The following MPP7 variants were observed in gnomAD, a reference collection of about 807,000 sequenced individuals.
MPP7 encodes MAGUK p55 scaffold protein 7.
MPP7 carries 60 observed loss-of-function variants against 76.5 expected under a neutral mutation model. The observed-to-expected ratio is 0.78, with a 90% CI of 0.64 to 0.97. The LOEUF (loss-of-function observed/expected upper bound fraction) is 0.97. Among genes scored for constraint, MPP7 ranks in the 50% least tolerant of loss-of-function variants. The pLI is 0.00. For synonymous variants in MPP7, 237 were observed against 244.5 expected, an observed-to-expected ratio of 0.97 and a Z score of 0.29; for missense variants, 641 against 694.0, an observed-to-expected ratio of 0.92 and a Z score of 0.86.
chr10:28,125,555 T>G (rs1398501765), intron 6 of MPP7, among the ~76,000 whole-genome samples: 1 of 152,046 alleles, frequency 6.6e-6, no homozygotes, highest in African/African-American at 2.4e-5. Flanking sequence ...TGACTTTTAG[T>G]TAGTTCAGTG....
chr10:28,310,716 C>A (rs991570686), intron 2 of MPP7, among the ~76,000 whole-genome samples: 2 of 152,182 alleles, frequency 1.3e-5, no homozygotes, highest in African/African-American at 4.8e-5. Flanking sequence ...ACACCTGGAT[C>A]TACCTCATTA....
In MPP7 at chr10:28,147,846, T is replaced by A. The variant is rs116838704; in HGVS notation, c.235-283A>T. On this transcript the variant is annotated intron_variant, in intron 4 of 16. Transcript: ENST00000683449. ...AGGGCAAACCCCAGCACTTCGTCCA[T>A]GTGAATGGTCTTTTGCACCTAGACA... Among the ~76,000 whole-genome samples, 1,079 of 152,244 alleles carry A rather than the reference T, an allele frequency of 7.1e-3. 12 individuals are homozygous for A. The highest frequency in any genetic ancestry group is 0.024 in the African/African-American group (1,014 of 41,542).
Position 28,257,201 on chromosome 10 carries a change from G to A in MPP7, c.-131-18466C>T, listed in dbSNP as rs141836924. On this transcript the variant is annotated intron_variant, in intron 1 of 16. Transcript: ENST00000683449. Reference sequence around the variant, plus strand: ...GTCACAGTATTAAAAAGCAACAAGCGCAATTCAGCGTTTCATGTCATGACA... The same window carrying A: ...GTCACAGTATTAAAAAGCAACAAGCACAATTCAGCGTTTCATGTCATGACA... 1.7e-3 allele frequency among the ~76,000 whole-genome samples: 265 copies of A among 152,174 alleles called. 1 individual carries two copies. The highest frequency in any genetic ancestry group is 6.6e-3 in the South Asian group (32 of 4,816).
chr10:28,304,308 G>A (rs997975014), upstream of MPP7, among the ~76,000 whole-genome samples: 5 of 152,046 alleles, frequency 3.3e-5, no homozygotes, highest in East Asian at 1.9e-4. Flanking sequence ...TGTCATTCTC[G>A]CAAAGTTCTA....
At chr10:28,164,487 T>C (rs574865736) in intron 3 of MPP7, among the ~76,000 whole-genome samples, 1 of 152,008 alleles carries the variant, frequency 6.6e-6, no homozygotes, top group South Asian at 2.1e-4. Flanking sequence ...CACAGGTAGG[T>C]AGAGAAGGCA....
At chr10:28,142,082 G>T (rs1340982757) in intron 5 of MPP7, among the ~76,000 whole-genome samples, 2 of 151,950 alleles carry the variant, frequency 1.3e-5, no homozygotes, top group African/African-American at 4.8e-5. Context: ...AAAGAAAATA[G>T]GAAAGACAAT....
At chr10:28,320,638 C>G (rs1036582620) in intron 2 of MPP7, among the ~76,000 whole-genome samples, 1 of 152,096 alleles carries the variant, frequency 6.6e-6, no homozygotes, top group East Asian at 1.9e-4. Context: ...AATCACTACA[C>G]ATCGTTTCAT....
intron 1 of MPP7, among the ~76,000 whole-genome samples, chr10:28,255,401 C>G (rs1303855479): frequency 6.6e-6 from 1 of 150,934 alleles, no homozygotes; most frequent in African/African-American, 2.4e-5. Context: ...CGTGAGCCAC[C>G]GCCTGGCCCA....
At chr10:28,157,377 G>C (rs1056950226) in intron 3 of MPP7, among the ~76,000 whole-genome samples, 1 of 152,138 alleles carries the variant, frequency 6.6e-6, no homozygotes, top group African/African-American at 2.4e-5. Context: ...AAATTAATAA[G>C]GAAGCTCACA....
chr10:28,272,906 T>C (rs957654998), intron 1 of MPP7, among the ~76,000 whole-genome samples: 2 of 147,088 alleles, frequency 1.4e-5, no homozygotes, highest in Admixed American at 6.7e-5. Context: ...CCCAAAATGG[T>C]TTGTTTTTTT....
intron 3 of MPP7, among the ~76,000 whole-genome samples, chr10:28,197,820 C>T (rs1837637700): frequency 6.6e-6 from 1 of 152,122 alleles, no homozygotes; most frequent in East Asian, 1.9e-4. Flanking sequence ...GTGATGGATA[C>T]CCCATTTACC....
At chr10:28,104,588 T>C (rs1853983587) in intron 11 of MPP7, among the ~76,000 whole-genome samples, 1 of 152,310 alleles carries the variant, frequency 6.6e-6, no homozygotes, top group Non-Finnish European at 1.5e-5. Flanking sequence ...CAATATATTC[T>C]TTTTTAAATG....
At chr10:28,192,473 C>T (rs534108692) in intron 3 of MPP7, among the ~76,000 whole-genome samples, 4 of 152,152 alleles carry the variant, frequency 2.6e-5, no homozygotes, top group Non-Finnish European at 5.9e-5. Context: ...TATACCAGTG[C>T]TGAACAGCTG....
At chr10:28,291,423 T>C (rs769244972) in intron 1 of MPP7, among the ~76,000 whole-genome samples, 6 of 152,126 alleles carry the variant, frequency 3.9e-5, no homozygotes, top group Non-Finnish European at 5.9e-5. Flanking sequence ...CTGGACAACA[T>C]GGCAAACGCC....
intron 11 of MPP7, among the ~76,000 whole-genome samples, chr10:28,113,960 C>T (rs571111962): frequency 1.7e-4 from 26 of 152,244 alleles, no homozygotes; most frequent in African/African-American, 5.1e-4. Flanking sequence ...CCCAAAGCTT[C>T]GGTATTCCAA....
intron 15 of MPP7, chr10:28,057,921 G>T: frequency 3.5e-6 from 4 of 1,148,950 alleles, no homozygotes; most frequent in Non-Finnish European, 3.3e-6. Context: ...GAATTGAATG[G>T]CCTCATCCAC....
chr10:28,260,410 C>T (rs1839910335), intron 1 of MPP7, among the ~76,000 whole-genome samples: 2 of 152,090 alleles, frequency 1.3e-5, no homozygotes, highest in Admixed American at 1.3e-4. Context: ...CCTTCAATCA[C>T]TTGTCAAGAT....
chr10:28,186,182 C>T (rs541693097), intron 3 of MPP7, among the ~76,000 whole-genome samples: 7 of 152,018 alleles, frequency 4.6e-5, no homozygotes, highest in Non-Finnish European at 8.8e-5. Flanking sequence ...CCTGTCTCTA[C>T]TAAAAATACA....
At position 28,052,657 on chromosome 10, in the gene MPP7, A is replaced by G. The variant is rs187354696; in HGVS notation, c.*1408T>C. On this transcript the variant is annotated 3_prime_UTR_variant, in exon 17 of 17. Transcript: ENST00000683449. ...GACATACAATCAGTTTATTTTATGAATAGCCCCGTTTGATATTTAAAAAAA... is the reference window on the plus strand; with the variant it reads ...GACATACAATCAGTTTATTTTATGAGTAGCCCCGTTTGATATTTAAAAAAA... 3.3e-5 allele frequency: 5 copies of G among 152,728 alleles called. No homozygotes were observed. The highest frequency in any genetic ancestry group is 4.8e-5 in the African/African-American group (2 of 41,582). 9.5% of individuals were successfully genotyped at this position (152,728 alleles called of 1,614,324 possible).
Sources: gnomAD v4.1 joint callset for allele counts (sites outside exome capture counted in the v4.1 genomes callset) on GRCh38, gnomAD v4.1.1 for gene constraint, MANE v1.5 for transcripts, NCBI Gene and HGNC (gene_info 2026-07-23, HGNC 2026-07-21) for gene names.